The following MEI4 variants were observed in gnomAD, a reference collection of about 807,000 sequenced individuals.
MEI4 encodes the protein meiosis-specific protein MEI4.
Under a neutral mutation model 31.4 loss-of-function variants are expected in MEI4, and 27 were observed. The ratio of observed to expected loss-of-function variants is 0.86; its 90% confidence interval spans 0.63 to 1.19. The LOEUF is 1.19. MEI4 is among the 50% of genes most tolerant of loss of function. The pLI, the probability that MEI4 is intolerant of heterozygous loss-of-function variation, is 0.00. For missense variants in MEI4, 329 were observed against 398.9 expected, an observed-to-expected ratio of 0.82 and a Z score of 1.49; for synonymous variants, 122 against 145.4, an observed-to-expected ratio of 0.84 and a Z score of 1.16.
At chr6:77,914,078 G>C (rs960361242) in intron 4 of MEI4, among the ~76,000 whole-genome samples, 2 of 147,626 alleles carry the variant, frequency 1.4e-5, no homozygotes, top group Non-Finnish European at 3.0e-5. Flanking sequence ...TTGTTTATAT[G>C]AGTTTCTATT....
intron 1 of MEI4, 47 bp from the exon 2 acceptor site, chr6:77,690,611 C>A: frequency 1.1e-6 from 1 of 932,454 alleles, no homozygotes; most frequent in East Asian, 3.3e-5. Flanking sequence ...AAATGCACTG[C>A]ACAAGTTAAA....
intron 2 of MEI4, among the ~76,000 whole-genome samples, chr6:77,743,264 T>C (rs375465396): frequency 6.6e-6 from 1 of 152,190 alleles, no homozygotes; most frequent in Non-Finnish European, 1.5e-5. Context: ...CATGGAATGT[T>C]CTTCCATTTG....
chr6:77,799,023 G>A (rs540239035), intron 3 of MEI4, among the ~76,000 whole-genome samples: 2,636 of 152,122 alleles, frequency 0.017, 83 homozygotes, highest in African/African-American at 0.06. Flanking sequence ...TGGGATTGCT[G>A]GGTCAAATGG....
chr6:77,728,015 A>G (rs994061544), intron 2 of MEI4, among the ~76,000 whole-genome samples: 1 of 152,244 alleles, frequency 6.6e-6, no homozygotes, highest in African/African-American at 2.4e-5. Context: ...TAAGTTGCAC[A>G]GTACCTAGTA....
Position 77,923,408 on chromosome 6 carries a change from A to C in MEI4, c.*62A>C. 1.2e-3 allele frequency: 1,414 copies of C among 1,143,420 alleles called. No homozygotes were observed. The highest frequency in any genetic ancestry group is 1.4e-3 in the Non-Finnish European group (1,270 of 908,934). 70.8% of individuals were successfully genotyped at this position (1,143,420 alleles called of 1,614,324 possible). A position where few individuals can be genotyped will look rare whatever the true frequency, so the allele number is the denominator to read the frequency against. On this transcript the variant is annotated 3_prime_UTR_variant, in exon 5 of 5. Coordinates refer to ENST00000684080, the MANE Select transcript of MEI4 (RefSeq NM_001322247.2). ...ATAAAGTAGAATATATGAAAATCTC[A>C]TACTGAAAAGATTTTCAATAGTATT...
At chr6:77,791,608 C>G (rs1289821808) in intron 3 of MEI4, among the ~76,000 whole-genome samples, 1 of 149,480 alleles carries the variant, frequency 6.7e-6, no homozygotes, top group East Asian at 2.0e-4. Flanking sequence ...GTGCAGCGCA[C>G]CAGCATGGCA....
At chr6:77,856,889 C>A (rs1233056708) in intron 4 of MEI4, among the ~76,000 whole-genome samples, 4 of 152,126 alleles carry the variant, frequency 2.6e-5, no homozygotes, top group Non-Finnish European at 5.9e-5. Context: ...GATTTCAGTT[C>A]CATATTTTGA....
Position 77,923,103 on chromosome 6 carries a change from T to C in MEI4, c.915T>C (p.Tyr305=), listed in dbSNP as rs1766748550. 4.9e-6 allele frequency: 6 copies of C among 1,230,178 alleles called. No homozygotes were observed. Among genetic ancestry groups the C allele is most frequent in the African/African-American group, 1.6e-5 (1 of 64,296 alleles). The allele number at this position is 1,230,178 out of a possible 1,614,324, so 76.2% of individuals were successfully genotyped here. ...LGAINQEQAS[Y]DVSRYENIFY... Reference sequence around the variant, plus strand: ...TTTATTTGTAGGAGCAAGCCAGTTATGATGTGTCACGCTATGAAAACATTT... The same window carrying C: ...TTTATTTGTAGGAGCAAGCCAGTTACGATGTGTCACGCTATGAAAACATTT... The change falls in exon 5 of 5, where the codon TAT becomes TAC. Residue 305 remains tyrosine, a synonymous_variant. Coordinates refer to ENST00000684080, the MANE Select transcript of MEI4 (RefSeq NM_001322247.2).
chr6:77,698,370 C>G (rs1766113583), intron 2 of MEI4, among the ~76,000 whole-genome samples: 1 of 152,150 alleles, frequency 6.6e-6, no homozygotes, highest in Non-Finnish European at 1.5e-5. Flanking sequence ...CCTGGATGGT[C>G]TTTACATTTT....
At chr6:77,658,224 A>G (rs571987056) in intron 1 of MEI4, among the ~76,000 whole-genome samples, 58 of 152,154 alleles carry the variant, frequency 3.8e-4, no homozygotes, top group Non-Finnish European at 7.2e-4. Flanking sequence ...CACAAAGTAC[A>G]TTCTCAAGGG....
At chr6:77,827,755 T>C (rs745734691) in intron 3 of MEI4, among the ~76,000 whole-genome samples, 5 of 152,164 alleles carry the variant, frequency 3.3e-5, no homozygotes, top group Non-Finnish European at 7.3e-5. Context: ...AATTCCACTG[T>C]ATTTACAAAA....
At chr6:77,872,565 T>A (rs1175977612) in intron 4 of MEI4, among the ~76,000 whole-genome samples, 5 of 152,046 alleles carry the variant, frequency 3.3e-5, no homozygotes, top group Non-Finnish European at 4.4e-5. Flanking sequence ...TTTATTTTTT[T>A]ATTTTTTATT....
At chr6:77,668,579 A>G (rs1185627219) in intron 1 of MEI4, among the ~76,000 whole-genome samples, 2 of 152,162 alleles carry the variant, frequency 1.3e-5, no homozygotes, top group African/African-American at 4.8e-5. Context: ...AACTATGCTA[A>G]TTTAGTGTGT....
intron 4 of MEI4, among the ~76,000 whole-genome samples, chr6:77,918,191 T>G (rs977433287): frequency 5.3e-5 from 8 of 151,988 alleles, no homozygotes; most frequent in African/African-American, 1.9e-4. Context: ...TAGTTTGAAG[T>G]CAGGTAGTAT....
intron 3 of MEI4, among the ~76,000 whole-genome samples, chr6:77,799,784 GTCAAAGA>G (rs1769194909): frequency 6.6e-6 from 1 of 152,120 alleles, no homozygotes; most frequent in African/African-American, 2.4e-5. Context: ...TCTCAGGTTT[GTCAAAGA>G]TCAGATAGTT....
At chr6:77,865,164 T>G (rs1770987877) in intron 4 of MEI4, among the ~76,000 whole-genome samples, 1 of 151,874 alleles carries the variant, frequency 6.6e-6, no homozygotes, top group South Asian at 2.1e-4. Context: ...ACATCACAAT[T>G]AAAAGAACTA....
chr6:77,803,466 T>G (rs1769333515), intron 3 of MEI4, among the ~76,000 whole-genome samples: 1 of 152,238 alleles, frequency 6.6e-6, no homozygotes, highest in Admixed American at 6.5e-5. Context: ...GCTTCTTCTC[T>G]CAACTCGTCA....
chr6:77,877,136 A>G (rs573423996), intron 4 of MEI4, among the ~76,000 whole-genome samples: 1 of 152,286 alleles, frequency 6.6e-6, no homozygotes, highest in South Asian at 2.1e-4. Context: ...CTTTGAATTT[A>G]ATTATTTATT....
intron 1 of MEI4, among the ~76,000 whole-genome samples, chr6:77,665,810 A>AGT (rs1768620222): frequency 6.6e-6 from 1 of 152,186 alleles, no homozygotes; most frequent in African/African-American, 2.4e-5. Flanking sequence ...GTTGAGGGAC[A>AGT]GTGAGAGAGG....
Sources: gnomAD v4.1 joint callset for allele counts (sites outside exome capture counted in the v4.1 genomes callset) on GRCh38, gnomAD v4.1.1 for gene constraint, MANE v1.5 for transcripts, NCBI Gene and HGNC (gene_info 2026-07-23, HGNC 2026-07-21) for gene names.